Variants in ASXL1 observed in about 807,000 individuals in gnomAD.
ASXL1 encodes the protein ASXL transcriptional regulator 1.
In ASXL1, 65 loss-of-function variants were observed where a neutral mutation model predicts 89.1. The observed-to-expected ratio is 0.73, with a 90% CI of 0.60 to 0.90. The LOEUF (loss-of-function observed/expected upper bound fraction) is 0.90, where lower values mean the gene tolerates loss of function less well. Among genes scored for constraint, ASXL1 ranks in the 40% least tolerant of loss-of-function variants. The pLI, the probability that ASXL1 is intolerant of heterozygous loss-of-function variation, is 0.00. For synonymous variants in ASXL1, 739 were observed against 746.9 expected (o/e 0.99, Z 0.17); for missense variants, 1,786 against 1,942.9 (o/e 0.92, Z 1.52).
In ASXL1 at chr20:32,439,105, T is replaced by G. The variant is rs2012078771; in HGVS notation, c.*1767T>G. ...TGATGTGGTGATTTAGAATGCAGTA[T>G]TGGCCAAGTCCAAGTTGTCAACTTA... On this transcript the variant is annotated 3_prime_UTR_variant, in exon 13 of 13. Coordinates refer to ENST00000375687, the MANE Select transcript of ASXL1 (RefSeq NM_015338.6). The G allele has an allele frequency of 4.3e-6, 1 of 233,610 alleles. No individual in the cohort carries two copies. The highest frequency in any genetic ancestry group is 8.5e-6 in the Non-Finnish European group (1 of 117,982). The allele number at this position is 233,610 out of a possible 1,614,324, so 14.5% of individuals were successfully genotyped here. A position where few individuals can be genotyped will look rare whatever the true frequency, so the allele number is the denominator to read the frequency against.
intron 6 of ASXL1, chr20:32,428,853 G>C (rs537129319): frequency 1.0e-5 from 3 of 290,506 alleles, no homozygotes; most frequent in South Asian, 6.7e-5. Context: ...TAGAGATAGG[G>C]TTTTGCCATG....
intron 4 of ASXL1, among the ~76,000 whole-genome samples, chr20:32,407,358 G>A (rs528287476): frequency 6.6e-6 from 1 of 152,086 alleles, no homozygotes; most frequent in South Asian, 2.1e-4. Context: ...GGAAAAAAAA[G>A]AATTGAAATA....
At chr20:32,367,626 T>TA in intron 2 of ASXL1, 101 bp from the exon 3 acceptor site, 1 of 768,756 alleles carries the variant, frequency 1.3e-6, no homozygotes, top group Middle Eastern at 2.3e-4. Flanking sequence ...GACTTGTACT[T>TA]ATCCACTGTG....
intron 4 of ASXL1, among the ~76,000 whole-genome samples, chr20:32,388,718 T>C (rs1008349165): frequency 5.3e-5 from 8 of 152,208 alleles, no homozygotes; most frequent in African/African-American, 1.9e-4. Context: ...TTTTCCAGTT[T>C]TATTATCAAA....
In ASXL1 at chr20:32,436,295, C is replaced by T; in HGVS notation, c.3583C>T (p.Gln1195Ter). 1 of 1,614,194 alleles carries T rather than the reference C, an allele frequency of 6.2e-7. No individual in the cohort carries two copies. ...GTGLARIEAT[Q>*]APGAPQKNCK... Reference sequence around the variant, plus strand: ...TGGTCTTGCCAGGATTGAGGCCACCCAGGCTCCTGGAGCACCCCAAAAGAA... The same window carrying T: ...TGGTCTTGCCAGGATTGAGGCCACCTAGGCTCCTGGAGCACCCCAAAAGAA... The change falls in exon 13 of 13, where the codon CAG becomes TAG. Residue 1195 changes from glutamine to a stop codon, truncating the protein, a stop_gained. Transcript: ENST00000375687. LOFTEE classifies it high-confidence loss of function.
Position 32,437,324 on chromosome 20 carries a change from C to G in ASXL1, c.4612C>G (p.Leu1538Val). 6.2e-7 allele frequency: 1 copy of G among 1,614,020 alleles called. No individual in the cohort carries two copies. Among genetic ancestry groups the G allele is most frequent in the Non-Finnish European group, 8.5e-7 (1 of 1,180,016 alleles). Reference sequence around the variant, plus strand: ...ACCCTCAAAGCTCTGTGTATTGTGCCTTGTGGTGAGATAATAAATTATGGC... The same window carrying G: ...ACCCTCAAAGCTCTGTGTATTGTGCGTTGTGGTGAGATAATAAATTATGGC... The part of the protein sequence containing the change: ...IGPSKLCVLC[L>V]VVR The change falls in exon 13 of 13, where the codon CTT becomes GTT. Residue 1538 changes from leucine to valine, a missense_variant. Leu to Val is a conservative substitution (Grantham distance 32). This residue lies in a region of ASXL1 where 36 missense variants were observed against 65.5 expected (regional missense o/e 0.55). Transcript: ENST00000375687.
At position 32,418,809 on chromosome 20, in the gene ASXL1, C is replaced by CTTTTTTTTTTTTT. The variant is rs71338437; in HGVS notation, c.253-9290_253-9278dup. 2.9e-4 allele frequency among the ~76,000 whole-genome samples: 16 copies of CTTTTTTTTTTTTT among 55,748 alleles called. 3 individuals are homozygous for CTTTTTTTTTTTTT. The highest frequency in any genetic ancestry group is 6.7e-4 in the African/African-American group (10 of 14,850). The allele number at this position is 55,748 out of a possible 152,430, so 36.6% of individuals were successfully genotyped here. ...AAATCAAAATGGGAAGAATTGACAT[C>CTTTTTTTTTTTTT]TTTTTTTTTTTTTTTTTTTTTTTTT... On this transcript the variant is annotated intron_variant, in intron 4 of 12. Coordinates refer to ENST00000375687, the MANE Select transcript of ASXL1 (RefSeq NM_015338.6).
At chr20:32,366,909 A>G (rs1437430173) in intron 2 of ASXL1, among the ~76,000 whole-genome samples, 1 of 152,018 alleles carries the variant, frequency 6.6e-6, no homozygotes, top group African/African-American at 2.4e-5. Context: ...CCCCTTACTA[A>G]TTGCAGTCAT....
At chr20:32,362,150 C>T (rs1025439182) in intron 1 of ASXL1, among the ~76,000 whole-genome samples, 1 of 152,166 alleles carries the variant, frequency 6.6e-6, no homozygotes, top group African/African-American at 2.4e-5. Flanking sequence ...TGAGAGCGTA[C>T]ACTGGACTGA....
At chr20:32,358,868 C>T (rs1345547781) in intron 1 of ASXL1, 36 bp downstream of exon 1, 103 of 696,890 alleles carry the variant, frequency 1.5e-4, no homozygotes, top group Non-Finnish European at 2.5e-4. Flanking sequence ...CCGTGGGGCC[C>T]GGGGTGGGGG....
In ASXL1 at chr20:32,434,541, G is replaced by A. The variant is rs940521669; in HGVS notation, c.1829G>A (p.Gly610Asp). Reference sequence around the variant, plus strand: ...GAGTCCTCCTGCCGGGGTTGGACTGGCGCCAGGACCCTCGCAGACATTAAA... The same window carrying A: ...GAGTCCTCCTGCCGGGGTTGGACTGACGCCAGGACCCTCGCAGACATTAAA... The part of the protein sequence containing the change: ...TTESSCRGWT[G>D]ARTLADIKAR... Residue 610 changes from glycine (G) to aspartate (D), a missense_variant, in exon 13 of 13, where the codon GGC (glycine) becomes GAC (aspartate). Coordinates refer to ENST00000375687, the MANE Select transcript of ASXL1 (RefSeq NM_015338.6). The A allele has an allele frequency of 1.9e-6, 3 of 1,613,934 alleles. No individual in the cohort carries two copies. In the African/African-American group the frequency reaches 4.0e-5, roughly 22 times the overall value.
chr20:32,416,608 T>G (rs1328539164), intron 4 of ASXL1, among the ~76,000 whole-genome samples: 1 of 152,210 alleles, frequency 6.6e-6, no homozygotes, highest in Non-Finnish European at 1.5e-5. Flanking sequence ...AATATGTGCG[T>G]TTTTCACTGT....
Position 32,435,648 on chromosome 20 carries a change from A to T in ASXL1, c.2936A>T (p.Asp979Val). 3 of 1,614,166 alleles carry T rather than the reference A, an allele frequency of 1.9e-6. No individual in the cohort carries two copies. The highest frequency in any genetic ancestry group is 2.5e-6 in the Non-Finnish European group (3 of 1,180,034). Residue 979 changes from aspartate (D) to valine (V), a missense_variant, in exon 13 of 13, where the codon GAC (aspartate) becomes GTC (valine). Transcript: ENST00000375687. Reference sequence around the variant, plus strand: ...AATGGCAGTTACTGTCAACAGGTGGACATTGAAAAGCTGAAAATCAACGGA... The same window carrying T: ...AATGGCAGTTACTGTCAACAGGTGGTCATTGAAAAGCTGAAAATCAACGGA... ...DSNGSYCQQV[D>V]IEKLKINGDS...
At chr20:32,409,556 A>T (rs1005084880) in intron 4 of ASXL1, among the ~76,000 whole-genome samples, 9 of 152,136 alleles carry the variant, frequency 5.9e-5, no homozygotes, top group African/African-American at 1.9e-4. Flanking sequence ...ATTAATGTTG[A>T]TATGGTACTG....
intron 3 of ASXL1, among the ~76,000 whole-genome samples, chr20:32,368,405 T>A (rs2048240714): frequency 6.6e-6 from 1 of 152,234 alleles, no homozygotes; most frequent in Non-Finnish European, 1.5e-5. Flanking sequence ...TCCACTTGAC[T>A]TACTTTTTGC....
In ASXL1 at chr20:32,437,028, C is replaced by G; in HGVS notation, c.4316C>G (p.Ala1439Gly). 6.2e-7 allele frequency: 1 copy of G among 1,614,122 alleles called. No homozygotes were observed. Among genetic ancestry groups the G allele is most frequent in the South Asian group, 1.1e-5 (1 of 91,076 alleles). ...CCCTCCCAACTCAGCATCAAGCAGG[C>G]ATTTTATGGGAAGCTTTCTAAACTC... ...SLPSQLSIKQ[A>G]FYGKLSKLQL... Residue 1439 changes from alanine (A) to glycine (G), a missense_variant, in exon 13 of 13, where the codon GCA (alanine) becomes GGA (glycine). Coordinates refer to ENST00000375687, the MANE Select transcript of ASXL1 (RefSeq NM_015338.6).
At chr20:32,364,774 G>A (rs2048178929) in intron 1 of ASXL1, among the ~76,000 whole-genome samples, 1 of 152,218 alleles carries the variant, frequency 6.6e-6, no homozygotes, top group Admixed American at 6.5e-5. Flanking sequence ...TAACATGTAA[G>A]TTCTACCAGA....
intron 4 of ASXL1, among the ~76,000 whole-genome samples, chr20:32,388,251 T>G (rs1361324201): frequency 6.6e-6 from 1 of 152,222 alleles, no homozygotes; most frequent in Non-Finnish European, 1.5e-5. Flanking sequence ...CTTGGCTCAC[T>G]GCAACCTCTG....
At chr20:32,428,804 G>A (rs570180876) in intron 6 of ASXL1, 68 of 295,296 alleles carry the variant, frequency 2.3e-4, no homozygotes, top group African/African-American at 1.5e-3. Context: ...GGGATTACAG[G>A]CACGTACCAC....
Sources: allele counts gnomAD v4.1 joint callset (sites outside exome capture counted in the v4.1 genomes callset), GRCh38; gene constraint gnomAD v4.1.1; regional missense constraint gnomAD v4.1.1; transcripts MANE v1.5; gene names NCBI Gene and HGNC (gene_info 2026-07-23, HGNC 2026-07-21).